KALRN: variants seen among roughly 807,000 people sequenced by gnomAD.
KALRN encodes the protein kalirin.
In KALRN, 70 loss-of-function variants were observed where a neutral mutation model predicts 353.7. The ratio of observed to expected loss-of-function variants is 0.20; its 90% CI spans 0.16 to 0.24. KALRN has a LOEUF of 0.24. KALRN is among the 10% of genes least tolerant of loss of function. The pLI is 1.00. For synonymous variants in KALRN, 1,391 were observed against 1,434.8 expected, an observed-to-expected ratio of 0.97 and a Z score of 0.69; for missense variants, 2,791 against 3,756.7, an observed-to-expected ratio of 0.74 and a Z score of 6.72.
At chr3:124,636,303 T>C (rs528831130) in intron 36 of KALRN, among the ~76,000 whole-genome samples, 11 of 152,124 alleles carry the variant, frequency 7.2e-5, no homozygotes, top group Middle Eastern at 6.8e-3. Flanking sequence ...CGGTGCAGGG[T>C]TAACTATTTC....
chr3:124,311,973 A>C (rs1420787505), intron 6 of KALRN, among the ~76,000 whole-genome samples: 1 of 152,204 alleles, frequency 6.6e-6, no homozygotes, highest in Non-Finnish European at 1.5e-5. Context: ...AAGAAAGTAG[A>C]TTAGTTGTTG....
chr3:124,642,304 A>AAGAG (rs34625612), intron 37 of KALRN, among the ~76,000 whole-genome samples: 2 of 149,902 alleles, frequency 1.3e-5, no homozygotes, highest in African/African-American at 2.5e-5. Context: ...AAAAAATTAA[A>AAGAG]AGAGAGAGAG....
chr3:124,666,756 C>T (rs2085682621), intron 46 of KALRN, 122 bp downstream of exon 46: 3 of 830,202 alleles, frequency 3.6e-6, no homozygotes, highest in Non-Finnish European at 5.7e-6. Flanking sequence ...AGCCGAATAA[C>T]ATTCGGTCAT....
intron 1 of KALRN, among the ~76,000 whole-genome samples, chr3:124,134,009 C>T (rs1185091460): frequency 6.6e-6 from 1 of 152,152 alleles, no homozygotes; most frequent in African/African-American, 2.4e-5. Flanking sequence ...CATCGTTCCT[C>T]ACACAGTTAG....
intron 18 of KALRN, 76 bp from the exon 19 acceptor site, chr3:124,441,869 G>T: frequency 1.2e-6 from 1 of 802,130 alleles, no homozygotes; most frequent in Non-Finnish European, 1.9e-6. Context: ...TGGAAGGAAG[G>T]AGGGTATGCC....
chr3:124,069,741 A>G (rs1351251784), intron 1 of KALRN, among the ~76,000 whole-genome samples: 2 of 152,202 alleles, frequency 1.3e-5, no homozygotes, highest in Non-Finnish European at 2.9e-5. Context: ...AGAGTGGACT[A>G]GGGTAAGTGC....
intron 34 of KALRN, among the ~76,000 whole-genome samples, chr3:124,577,314 A>C (rs2074212343): frequency 6.6e-6 from 1 of 152,164 alleles, no homozygotes; most frequent in Admixed American, 6.5e-5. Context: ...GGGCAAGTAC[A>C]GAGGAACACA....
At chr3:124,348,286 A>G (rs2082481507) in intron 10 of KALRN, among the ~76,000 whole-genome samples, 1 of 152,224 alleles carries the variant, frequency 6.6e-6, no homozygotes, top group African/African-American at 2.4e-5. Flanking sequence ...ACAGCCCTCA[A>G]TGTGGGCCCT....
intron 1 of KALRN, among the ~76,000 whole-genome samples, chr3:124,184,957 G>T (rs1205358059): frequency 2.6e-5 from 4 of 152,188 alleles, no homozygotes; most frequent in Non-Finnish European, 5.9e-5. Context: ...AATAGGAGGA[G>T]CCAGTTCAGT....
chr3:124,292,234 C>A (rs1302112566), intron 5 of KALRN, among the ~76,000 whole-genome samples: 1 of 152,160 alleles, frequency 6.6e-6, no homozygotes, highest in Non-Finnish European at 1.5e-5. Context: ...CTCTCTAGGA[C>A]CTCTCTGCCA....
At chr3:124,347,391 G>GTGTGTT (rs2082384288) in intron 10 of KALRN, 126 bp downstream of exon 10, 1 of 1,374,674 alleles carries the variant, frequency 7.3e-7, no homozygotes, top group Non-Finnish European at 9.7e-7. Flanking sequence ...GTGTGTGTGT[G>GTGTGTT]TGTGTGTGTG....
At position 124,411,433 on chromosome 3, in the gene KALRN, CTTTTTTTT is replaced by C. The variant is rs61485429; in HGVS notation, c.2347-2016_2347-2009del. Among the ~76,000 whole-genome samples the C allele has an allele frequency of 3.3e-3, 171 of 51,496 alleles. 4 individuals carry two copies. The highest frequency in any genetic ancestry group is 0.017 in the Admixed American group (59 of 3,518). The allele number at this position is 51,496 out of a possible 152,430, so 33.8% of individuals were successfully genotyped here. A position where few individuals can be genotyped will look rare whatever the true frequency, so the allele number is the denominator to read the frequency against. ...AAGCCTATGTATACTTTAAATTATGCTTTTTTTTTTTTTTTTTTTTTTTTTTTTAAGAA... is the reference window on the plus strand; with the variant it reads ...AAGCCTATGTATACTTTAAATTATGCTTTTTTTTTTTTTTTTTTTTAAGAA... On this transcript the variant is annotated intron_variant, in intron 13 of 59. Coordinates refer to ENST00000682506, the MANE Select transcript of KALRN (RefSeq NM_001388419.1).
chr3:124,383,451 GC>G (rs1396424119), intron 10 of KALRN, among the ~76,000 whole-genome samples: 4 of 152,182 alleles, frequency 2.6e-5, no homozygotes, highest in African/African-American at 9.7e-5. Flanking sequence ...TCTACCCTGT[GC>G]CTTTTTCTCA....
chr3:124,469,433 G>A (rs549317360), intron 25 of KALRN, among the ~76,000 whole-genome samples: 4 of 152,304 alleles, frequency 2.6e-5, no homozygotes, highest in Admixed American at 1.3e-4. Context: ...GAGTGTACAT[G>A]ACCCTCCATT....
intron 9 of KALRN, among the ~76,000 whole-genome samples, chr3:124,340,523 C>T (rs1455650724): frequency 6.6e-6 from 1 of 150,974 alleles, no homozygotes; most frequent in Non-Finnish European, 1.5e-5. Context: ...ACTCTGTCTC[C>T]AAAAAAAGAA....
intron 1 of KALRN, among the ~76,000 whole-genome samples, chr3:124,227,301 G>T (rs546554520): frequency 2.2e-4 from 33 of 152,194 alleles, no homozygotes; most frequent in Non-Finnish European, 2.9e-4. Flanking sequence ...AGTGGGTAGT[G>T]CATTTCCTTC....
intron 1 of KALRN, among the ~76,000 whole-genome samples, chr3:124,170,824 C>A: frequency 7.6e-6 from 1 of 131,064 alleles, no homozygotes; most frequent in Admixed American, 8.1e-5. Context: ...CCTTCCACTT[C>A]CACATTCTTT....
intron 51 of KALRN, among the ~76,000 whole-genome samples, chr3:124,682,114 A>G (rs2061367209): frequency 6.6e-6 from 1 of 152,238 alleles, no homozygotes; most frequent in African/African-American, 2.4e-5. Context: ...ATGTGTAAGT[A>G]GAACCTTATT....
chr3:124,490,706 A>G lies in KALRN; in HGVS notation c.4409A>G (p.Asn1470Ser). ...HVSMLEGFDE[N>S]LDVQGELILQ... ...GGATGTTTTTCAGGGTTCGACGAGA[A>G]CCTGGATGTGCAGGGGGAGTTGATT... Residue 1470 changes from asparagine (N) to serine (S), a missense_variant, in exon 30 of 60, where the codon AAC (asparagine) becomes AGC (serine). Physicochemically the swap from Asn to Ser is conservative, Grantham distance 46 (BLOSUM62 1). Around this residue, in one of 11 missense-constraint regions of KALRN, gnomAD observed 239 missense variants for 351.3 expected, o/e 0.68. Coordinates refer to ENST00000682506, the MANE Select transcript of KALRN (RefSeq NM_001388419.1). 1 of 1,612,832 alleles carries G rather than the reference A, an allele frequency of 6.2e-7. No individual in the cohort carries two copies. The highest frequency in any genetic ancestry group is 1.1e-5 in the South Asian group (1 of 91,004).
Sources: gnomAD v4.1 joint callset for allele counts (sites outside exome capture counted in the v4.1 genomes callset) on GRCh38, gnomAD v4.1.1 for gene constraint, gnomAD v4.1.1 regional missense constraint, MANE v1.5 for transcripts, NCBI Gene and HGNC (gene_info 2026-07-23, HGNC 2026-07-21) for gene names.